The following NXPH2 variants were observed in gnomAD, a reference collection of about 807,000 sequenced individuals.
NXPH2 encodes neurexophilin-2.
In NXPH2, 5 loss-of-function variants were observed where a neutral mutation model predicts 19.8. The observed-to-expected ratio is 0.25, with a 90% CI of 0.13 to 0.53. NXPH2 has a LOEUF of 0.53. Ranked by LOEUF, NXPH2 falls within the 20% of genes least tolerant of loss-of-function variation. The pLI, the probability that NXPH2 is intolerant of heterozygous loss-of-function variation, is 0.96. For missense variants in NXPH2, 289 were observed against 322.8 expected, an observed-to-expected ratio of 0.90 and a Z score of 0.80; for synonymous variants, 154 against 127.4, an observed-to-expected ratio of 1.21 and a Z score of -1.41.
intron 1 of NXPH2, among the ~76,000 whole-genome samples, chr2:138,740,242 G>A (rs545000099): frequency 6.6e-6 from 1 of 152,320 alleles, no homozygotes; most frequent in African/African-American, 2.4e-5. Flanking sequence ...AACTTAGGAA[G>A]AGAGGGCTGT....
At chr2:138,728,026 A>G (rs998467482) in intron 1 of NXPH2, among the ~76,000 whole-genome samples, 1 of 152,182 alleles carries the variant, frequency 6.6e-6, no homozygotes, top group Non-Finnish European at 1.5e-5. Context: ...GCTATGGACT[A>G]CACTGTGTTC....
At chr2:138,692,655 C>T (rs1680762368) in intron 1 of NXPH2, among the ~76,000 whole-genome samples, 1 of 152,112 alleles carries the variant, frequency 6.6e-6, no homozygotes. Context: ...TCACAACAGG[C>T]CTCATTCTTA....
At chr2:138,701,798 T>A (rs1680926980) in intron 1 of NXPH2, among the ~76,000 whole-genome samples, 1 of 152,214 alleles carries the variant, frequency 6.6e-6, no homozygotes, top group Non-Finnish European at 1.5e-5. Flanking sequence ...CATCCATATG[T>A]TACAGAAACT....
At chr2:138,673,620 T>C (rs902863315) in intron 1 of NXPH2, among the ~76,000 whole-genome samples, 10 of 152,016 alleles carry the variant, frequency 6.6e-5, no homozygotes, top group African/African-American at 9.7e-5. Flanking sequence ...ACTTGTTTTA[T>C]TTTATTTAAA....
chr2:138,679,222 C>T (rs907637690), intron 1 of NXPH2, among the ~76,000 whole-genome samples: 1 of 152,108 alleles, frequency 6.6e-6, no homozygotes, highest in African/African-American at 2.4e-5. Context: ...GTAAATCATG[C>T]CTTTATCAGA....
intron 1 of NXPH2, among the ~76,000 whole-genome samples, chr2:138,726,265 G>T (rs1681357385): frequency 6.6e-6 from 1 of 152,018 alleles, no homozygotes; most frequent in Non-Finnish European, 1.5e-5. Flanking sequence ...GGCTGGTCTT[G>T]AACTCCTGAC....
At chr2:138,749,657 T>C (rs1681796606) in intron 1 of NXPH2, among the ~76,000 whole-genome samples, 1 of 152,206 alleles carries the variant, frequency 6.6e-6, no homozygotes, top group African/African-American at 2.4e-5. Flanking sequence ...ATTCAAGGTT[T>C]TGAAGACAGT....
chr2:138,707,105 A>AAAAAAAAAAAAAAAAAAAAG, intron 1 of NXPH2, among the ~76,000 whole-genome samples: 1 of 146,648 alleles, frequency 6.8e-6, no homozygotes, highest in East Asian at 2.0e-4. Context: ...AAAAAAAAAA[A>AAAAAAAAAAAAAAAAAAAAG]AAAAAAAGAG....
intron 1 of NXPH2, among the ~76,000 whole-genome samples, chr2:138,737,007 A>G (rs1287288827): frequency 1.3e-5 from 2 of 152,218 alleles, no homozygotes; most frequent in African/African-American, 4.8e-5. Flanking sequence ...CCATATCCCT[A>G]TCAGTATTTT....
chr2:138,729,898 C>T (rs995344750), intron 1 of NXPH2, among the ~76,000 whole-genome samples: 17 of 152,124 alleles, frequency 1.1e-4, no homozygotes, highest in African/African-American at 3.9e-4. Context: ...TTTGTCTGCT[C>T]GGGCTGCTGT....
chr2:138,746,682 G>T (rs537514469), intron 1 of NXPH2, among the ~76,000 whole-genome samples: 5 of 152,092 alleles, frequency 3.3e-5, no homozygotes, highest in Non-Finnish European at 7.4e-5. Flanking sequence ...GCTCTCTCTT[G>T]CTCATAACCT....
chr2:138,681,466 C>T (rs12621644), intron 1 of NXPH2, among the ~76,000 whole-genome samples: 36,214 of 152,084 alleles, frequency 0.24, 5,056 homozygotes, highest in Non-Finnish European at 0.28. Context: ...GAAGCACTTG[C>T]TATAACATAT....
intron 1 of NXPH2, among the ~76,000 whole-genome samples, chr2:138,718,120 G>C (rs1442015878): frequency 6.6e-6 from 1 of 151,856 alleles, no homozygotes; most frequent in African/African-American, 2.4e-5. Context: ...GGATGGAGGA[G>C]AGAATAATAA....
At chr2:138,725,951 T>C (rs921744989) in intron 1 of NXPH2, among the ~76,000 whole-genome samples, 12 of 152,218 alleles carry the variant, frequency 7.9e-5, no homozygotes, top group African/African-American at 2.9e-4. Context: ...TCCTTGACTA[T>C]ATCTGGATAT....
At chr2:138,756,738 T>G (rs1045209868) in intron 1 of NXPH2, among the ~76,000 whole-genome samples, 13 of 152,164 alleles carry the variant, frequency 8.5e-5, no homozygotes, top group African/African-American at 2.9e-4. Flanking sequence ...GCTCATGGCC[T>G]CAAACTCTCA....
intron 1 of NXPH2, among the ~76,000 whole-genome samples, chr2:138,774,876 C>T (rs1396383324): frequency 2.0e-5 from 3 of 152,184 alleles, no homozygotes; most frequent in African/African-American, 4.8e-5. Context: ...TGAATGGAAA[C>T]ATTTAAAATA....
chr2:138,702,995 A>C lies in NXPH2; in HGVS notation c.52-31330T>G, dbSNP rs558103053. ...GTTCTATTGACAAATTAATTTGGAA[A>C]TCATTTAAGAAAAATTGTGCTTTGG... On this transcript the variant is annotated intron_variant, in intron 1 of 1. Coordinates refer to ENST00000272641, the MANE Select transcript of NXPH2 (RefSeq NM_007226.3). Among the ~76,000 whole-genome samples the C allele has an allele frequency of 6.6e-5, 10 of 152,328 alleles. No individual in the cohort carries two copies. The South Asian group carries it at 2.1e-3, about 32-fold the overall frequency.
chr2:138,737,917 T>G (rs889082623), intron 1 of NXPH2, among the ~76,000 whole-genome samples: 2 of 135,018 alleles, frequency 1.5e-5, no homozygotes, highest in African/African-American at 6.5e-5. Flanking sequence ...CTTCATTTTC[T>G]TTTTTTTTTT....
chr2:138,697,742 AAAT>A, intron 1 of NXPH2, among the ~76,000 whole-genome samples: 1 of 152,004 alleles, frequency 6.6e-6, no homozygotes, highest in African/African-American at 2.4e-5. Flanking sequence ...GAGAAAAACA[AAAT>A]AAAAATAATA....
Sources: allele counts gnomAD v4.1 joint callset (sites outside exome capture counted in the v4.1 genomes callset), GRCh38; gene constraint gnomAD v4.1.1; transcripts MANE v1.5; gene names NCBI Gene and HGNC (gene_info 2026-07-23, HGNC 2026-07-21).